The following WWOX variants were observed in gnomAD, a reference collection of about 807,000 sequenced individuals.
The protein encoded by WWOX is WW domain containing oxidoreductase.
In WWOX, 69 loss-of-function variants were observed where a neutral mutation model predicts 46.2. That is an observed-to-expected ratio of 1.49 (90% CI 1.23 to 1.82). WWOX has a LOEUF of 1.82. WWOX is among the 40% of genes most tolerant of loss of function. WWOX has a pLI of 0.00. For missense variants in WWOX, 919 were observed against 542.6 expected, an observed-to-expected ratio of 1.69 and a Z score of -6.89; for synonymous variants, 359 against 202.6, an observed-to-expected ratio of 1.77 and a Z score of -6.56.
chr16:78,480,718 G>A (rs2084464838), intron 8 of WWOX, among the ~76,000 whole-genome samples: 1 of 152,240 alleles, frequency 6.6e-6, no homozygotes, highest in African/African-American at 2.4e-5. Context: ...GCAGTATGCA[G>A]TACATTCCAA....
intron 8 of WWOX, among the ~76,000 whole-genome samples, chr16:78,565,777 G>A (rs1048949618): frequency 2.0e-5 from 3 of 152,110 alleles, no homozygotes; most frequent in African/African-American, 4.8e-5. Flanking sequence ...GGCTATCCGC[G>A]GAAGTAGAGA....
chr16:79,001,274 G>GC (rs1056555250), intron 8 of WWOX, among the ~76,000 whole-genome samples: 6 of 151,680 alleles, frequency 4.0e-5, no homozygotes, highest in African/African-American at 9.7e-5. Flanking sequence ...AGGCCTCCCC[G>GC]CCCCCCTAAA....
At chr16:78,679,839 T>G (rs536687021) in intron 8 of WWOX, among the ~76,000 whole-genome samples, 5 of 152,222 alleles carry the variant, frequency 3.3e-5, no homozygotes, top group South Asian at 4.1e-4. Flanking sequence ...TCAACTGTTT[T>G]AGGGGCCATG....
At chr16:78,907,924 C>T (rs1379093213) in intron 8 of WWOX, among the ~76,000 whole-genome samples, 2 of 152,240 alleles carry the variant, frequency 1.3e-5, no homozygotes, top group East Asian at 3.9e-4. Flanking sequence ...GCTTTGGTGA[C>T]CCCAGTGAAC....
chr16:79,128,423 A>T (rs1046127560), intron 8 of WWOX, among the ~76,000 whole-genome samples: 3 of 152,180 alleles, frequency 2.0e-5, no homozygotes, highest in Non-Finnish European at 4.4e-5. Flanking sequence ...TTGTCCTTTT[A>T]ACACTTTCAG....
rs2032694152 is a variant in WWOX at position 78,114,899 on chromosome 16, C to G, written c.231-77C>G. On this transcript the variant is annotated intron_variant, in intron 3 of 8. Transcript: ENST00000566780. ...TTGGTCTATGAAAAATGGGGTTTTCCTAAAGTATAAGATTGTCTTATATTT... is the reference window on the plus strand; with the variant it reads ...TTGGTCTATGAAAAATGGGGTTTTCGTAAAGTATAAGATTGTCTTATATTT... The G allele has an allele frequency of 9.4e-6, 15 of 1,594,642 alleles. No individual in the cohort carries two copies. The Middle Eastern group carries it at 5.7e-4, about 60-fold the overall frequency.
chr16:79,189,444 TG>T (rs2051086315), intron 8 of WWOX, among the ~76,000 whole-genome samples: 2 of 125,860 alleles, frequency 1.6e-5, no homozygotes, highest in Admixed American at 7.5e-5. Flanking sequence ...TGTGTGTGTG[TG>T]TGTGTGTGTG....
intron 8 of WWOX, among the ~76,000 whole-genome samples, chr16:78,445,748 C>G (rs1030477250): frequency 6.6e-6 from 1 of 152,014 alleles, no homozygotes; most frequent in African/African-American, 2.4e-5. Flanking sequence ...TGTGGTGGAG[C>G]TTTCCTGTAG....
At chr16:78,286,521 A>T (rs1396392493) in intron 5 of WWOX, among the ~76,000 whole-genome samples, 3 of 152,236 alleles carry the variant, frequency 2.0e-5, no homozygotes, top group Non-Finnish European at 2.9e-5. Flanking sequence ...GATACAGAAA[A>T]ATAATACATG....
intron 8 of WWOX, among the ~76,000 whole-genome samples, chr16:78,462,979 C>T (rs2667657): frequency 0.13 from 19,609 of 152,212 alleles, 1,311 homozygotes; most frequent in Non-Finnish European, 0.15. Flanking sequence ...TGTAAATGTC[C>T]TCTGATCTCT....
intron 8 of WWOX, among the ~76,000 whole-genome samples, chr16:79,066,163 T>A (rs1597341746): frequency 6.6e-6 from 1 of 152,228 alleles, no homozygotes; most frequent in East Asian, 1.9e-4. Flanking sequence ...GAGTTTGCCG[T>A]CCTCTCTTCC....
intron 5 of WWOX, among the ~76,000 whole-genome samples, chr16:78,292,517 C>A (rs867785270): frequency 6.6e-6 from 1 of 152,052 alleles, no homozygotes; most frequent in East Asian, 1.9e-4. Flanking sequence ...TGCATGCAAT[C>A]CACATTACAC....
intron 6 of WWOX, among the ~76,000 whole-genome samples, chr16:78,397,674 G>A (rs1387357880): frequency 6.6e-6 from 1 of 152,220 alleles, no homozygotes; most frequent in Non-Finnish European, 1.5e-5. Context: ...GACAGCCACT[G>A]CCTAGTGGGA....
intron 8 of WWOX, among the ~76,000 whole-genome samples, chr16:78,879,952 T>G (rs1308822772): frequency 6.6e-6 from 1 of 152,130 alleles, no homozygotes; most frequent in African/African-American, 2.4e-5. Flanking sequence ...TATCCTTTAG[T>G]TTAAGCCTCA....
chr16:78,854,283 G>A (rs1432027755), intron 8 of WWOX, among the ~76,000 whole-genome samples: 1 of 152,132 alleles, frequency 6.6e-6, no homozygotes, highest in Non-Finnish European at 1.5e-5. Flanking sequence ...ATGTTACTAT[G>A]CAGGTAACTT....
chr16:79,010,976 G>A (rs947609824), intron 8 of WWOX, among the ~76,000 whole-genome samples: 3 of 152,060 alleles, frequency 2.0e-5, no homozygotes, highest in African/African-American at 7.2e-5. Flanking sequence ...GGTTTGGGCA[G>A]GCTCTGAGTA....
At chr16:79,133,830 C>A (rs975813609) in intron 8 of WWOX, among the ~76,000 whole-genome samples, 8 of 152,094 alleles carry the variant, frequency 5.3e-5, no homozygotes, top group African/African-American at 1.9e-4. Context: ...ATTGGTCAAT[C>A]CTCAGTAAAT....
chr16:78,555,701 A>G (rs996962464), intron 8 of WWOX, among the ~76,000 whole-genome samples: 1 of 151,916 alleles, frequency 6.6e-6, no homozygotes, highest in Non-Finnish European at 1.5e-5. Flanking sequence ...TTGGACTGGA[A>G]GTAAGAAGCC....
chr16:78,720,339 A>G (rs1437992036), intron 8 of WWOX, among the ~76,000 whole-genome samples: 1 of 152,138 alleles, frequency 6.6e-6, no homozygotes, highest in Admixed American at 6.6e-5. Flanking sequence ...TCTTTTCACA[A>G]GAAAGAATTA....
Sources: allele counts gnomAD v4.1 joint callset (sites outside exome capture counted in the v4.1 genomes callset), GRCh38; gene constraint gnomAD v4.1.1; transcripts MANE v1.5; gene names NCBI Gene and HGNC (gene_info 2026-07-23, HGNC 2026-07-21).